The following SEMA5A variants were observed in gnomAD, a reference collection of about 807,000 sequenced individuals.
The protein encoded by SEMA5A is semaphorin 5A.
SEMA5A carries 55 observed loss-of-function variants against 135.5 expected under a neutral mutation model. The ratio of observed to expected loss-of-function variants is 0.41; its 90% CI spans 0.33 to 0.51. SEMA5A has a LOEUF of 0.51. Among genes scored for constraint, SEMA5A ranks in the 20% least tolerant of loss-of-function variants. SEMA5A has a pLI of 0.37. For missense variants in SEMA5A, 1,290 were observed against 1,419.9 expected, an observed-to-expected ratio of 0.91 and a Z score of 1.47; for synonymous variants, 580 against 546.5, an observed-to-expected ratio of 1.06 and a Z score of -0.85.
intron 3 of SEMA5A, among the ~76,000 whole-genome samples, chr5:9,378,939 T>TA (rs1328409097): frequency 1.3e-5 from 2 of 152,210 alleles, no homozygotes; most frequent in Non-Finnish European, 2.9e-5. Context: ...TGATTTTTTT[T>TA]TAATTTCCTC....
chr5:9,371,144 T>C (rs1162521994), intron 3 of SEMA5A, among the ~76,000 whole-genome samples: 1 of 151,986 alleles, frequency 6.6e-6, no homozygotes, highest in African/African-American at 2.4e-5. Context: ...AAAAACTATC[T>C]CCCTATTGAG....
chr5:9,049,833 C>A (rs1341076783), intron 21 of SEMA5A, among the ~76,000 whole-genome samples: 1 of 152,150 alleles, frequency 6.6e-6, no homozygotes, highest in Non-Finnish European at 1.5e-5. Flanking sequence ...GTACTTGAAC[C>A]AGATAATGTT....
chr5:9,135,651 C>G (rs1043948096), intron 13 of SEMA5A, among the ~76,000 whole-genome samples: 1 of 152,158 alleles, frequency 6.6e-6, no homozygotes, highest in African/African-American at 2.4e-5. Context: ...ACACCTCTGT[C>G]TTGCAGAGAT....
intron 4 of SEMA5A, among the ~76,000 whole-genome samples, chr5:9,334,662 G>A (rs974928358): frequency 6.6e-6 from 1 of 152,110 alleles, no homozygotes; most frequent in Non-Finnish European, 1.5e-5. Context: ...CTGGCTTAGA[G>A]TCACTTAGGT....
In SEMA5A at chr5:9,119,119, T is replaced by C; in HGVS notation, c.1804A>G (p.Thr602Ala). 6.2e-7 allele frequency: 1 copy of C among 1,613,578 alleles called. No individual in the cohort carries two copies. The highest frequency in any genetic ancestry group is 1.1e-5 in the South Asian group (1 of 90,936). The part of the protein sequence containing the change: ...CSRNGGWTPW[T>A]SWSPCSTTCG... ...GTAGTGCTGCAGGGAGACCACGAGG[T>C]CCAGGGAGTCCAGCCTCCGTTCCTG... The change falls in exon 15 of 23, where the codon ACC becomes GCC. Residue 602 changes from threonine (T) to alanine (A), a missense_variant. By Grantham distance (58) the Thr-to-Ala change is moderately conservative. This residue lies in a region of SEMA5A where 1,029 missense variants were observed against 1,086.6 expected (regional missense o/e 0.95). Coordinates refer to ENST00000382496, the MANE Select transcript of SEMA5A (RefSeq NM_003966.3).
chr5:9,365,282 G>T (rs140456466), intron 3 of SEMA5A, among the ~76,000 whole-genome samples: 1,757 of 152,140 alleles, frequency 0.012, 15 homozygotes, highest in Non-Finnish European at 0.02. Context: ...AATTTCAGGG[G>T]ATCAAAAAAT....
chr5:9,541,569 T>C (rs1267057823), intron 1 of SEMA5A, among the ~76,000 whole-genome samples: 2 of 152,220 alleles, frequency 1.3e-5, no homozygotes, highest in Non-Finnish European at 2.9e-5. Context: ...AAAAAGAGTT[T>C]AAAAACAGAA....
At chr5:9,381,983 C>CGTGT (rs1385996116) in intron 2 of SEMA5A, among the ~76,000 whole-genome samples, 13 of 97,900 alleles carry the variant, frequency 1.3e-4, no homozygotes, top group Admixed American at 1.1e-3. Context: ...TGTGTGTGTG[C>CGTGT]GCGCGCGCGC....
intron 16 of SEMA5A, among the ~76,000 whole-genome samples, chr5:9,086,831 C>T (rs901226586): frequency 6.6e-6 from 1 of 152,168 alleles, no homozygotes; most frequent in Admixed American, 6.5e-5. Flanking sequence ...TCTTTCTGAA[C>T]TTAATTTATT....
chr5:9,200,889 C>A (rs1263913211), intron 9 of SEMA5A, among the ~76,000 whole-genome samples: 1 of 152,128 alleles, frequency 6.6e-6, no homozygotes, highest in Admixed American at 6.5e-5. Context: ...CATAGGGTGA[C>A]CAGTTGTCCT....
At chr5:9,112,526 G>A (rs777374231) in intron 15 of SEMA5A, among the ~76,000 whole-genome samples, 4 of 152,266 alleles carry the variant, frequency 2.6e-5, no homozygotes, top group Middle Eastern at 3.4e-3. Context: ...GAAACTGCAC[G>A]TACATTAAGT....
At chr5:9,474,280 G>A (rs544564357) in intron 1 of SEMA5A, among the ~76,000 whole-genome samples, 28 of 152,074 alleles carry the variant, frequency 1.8e-4, no homozygotes, top group Non-Finnish European at 3.7e-4. Flanking sequence ...AGGTGCAAAT[G>A]TGATGTGTGG....
At chr5:9,053,844 T>C (rs1736730783) in intron 19 of SEMA5A, 2 of 404,522 alleles carry the variant, frequency 4.9e-6, no homozygotes, top group South Asian at 1.7e-4. Flanking sequence ...TTGAAGCCTT[T>C]AGCACTCTCC....
intron 5 of SEMA5A, among the ~76,000 whole-genome samples, chr5:9,302,601 T>C (rs1314425346): frequency 6.6e-6 from 1 of 152,168 alleles, no homozygotes; most frequent in African/African-American, 2.4e-5. Context: ...AGTGCAAATA[T>C]GCAATGTTCA....
intron 2 of SEMA5A, among the ~76,000 whole-genome samples, chr5:9,421,912 T>C (rs1409547465): frequency 6.6e-6 from 1 of 152,242 alleles, no homozygotes; most frequent in Non-Finnish European, 1.5e-5. Context: ...ACCAACCTTA[T>C]GCCTATTGCA....
chr5:9,277,515 C>T (rs1209913128), intron 5 of SEMA5A, among the ~76,000 whole-genome samples: 1 of 152,134 alleles, frequency 6.6e-6, no homozygotes, highest in Non-Finnish European at 1.5e-5. Context: ...CACATGCACA[C>T]ATATATTTAT....
chr5:9,389,163 T>C (rs1756036240), intron 2 of SEMA5A, among the ~76,000 whole-genome samples: 1 of 152,164 alleles, frequency 6.6e-6, no homozygotes, highest in African/African-American at 2.4e-5. Flanking sequence ...ACATCCTGTC[T>C]TCCCTGGATT....
chr5:9,540,591 T>C (rs1485619459), intron 1 of SEMA5A, among the ~76,000 whole-genome samples: 1 of 152,100 alleles, frequency 6.6e-6, no homozygotes, highest in Non-Finnish European at 1.5e-5. Context: ...AGCAAGACTC[T>C]GTCTCAAAAA....
chr5:9,154,113 G>GTGTATGTA (rs201260050), intron 12 of SEMA5A, among the ~76,000 whole-genome samples: 2 of 131,480 alleles, frequency 1.5e-5, no homozygotes, highest in Non-Finnish European at 3.2e-5. Flanking sequence ...GTGTATGTGT[G>GTGTATGTA]TGTATGTATG....
Sources: gnomAD v4.1 joint callset for allele counts (sites outside exome capture counted in the v4.1 genomes callset) on GRCh38, gnomAD v4.1.1 for gene constraint, gnomAD v4.1.1 regional missense constraint, MANE v1.5 for transcripts, NCBI Gene and HGNC (gene_info 2026-07-23, HGNC 2026-07-21) for gene names.